The following ABAT variants were observed in gnomAD, a reference collection of about 807,000 sequenced individuals.
ABAT encodes 4-aminobutyrate aminotransferase, mitochondrial.
A neutral mutation model predicts 64.6 loss-of-function variants in ABAT; 45 were observed. The observed-to-expected ratio is 0.70, with a 90% CI of 0.55 to 0.89. The LOEUF (loss-of-function observed/expected upper bound fraction) is 0.89. Ranked by LOEUF, ABAT falls within the 40% of genes least tolerant of loss-of-function variation. The pLI, the probability that ABAT is intolerant of heterozygous loss-of-function variation, is 0.00. For missense variants in ABAT, 633 were observed against 658.4 expected (o/e 0.96, Z 0.42); for synonymous variants, 297 against 250.5 (o/e 1.19, Z -1.75).
intron 2 of ABAT, among the ~76,000 whole-genome samples, chr16:8,739,180 C>G (rs1439736034): frequency 6.6e-6 from 1 of 152,174 alleles, no homozygotes; most frequent in Non-Finnish European, 1.5e-5. Flanking sequence ...TTGTGGAGCT[C>G]TAGCCTGGTG....
Position 8,710,546 on chromosome 16 carries a change from A to G in ABAT, c.-41-25153A>G, listed in dbSNP as rs1764657865. On this transcript the variant is annotated intron_variant, in intron 1 of 15. Coordinates refer to ENST00000268251, the MANE Select transcript of ABAT (RefSeq NM_020686.6). ...GAGCCCAGGAGTTCATAACCAACCTAGGCAACACAGCAAGTCCCCGTCTCT... is the reference window on the plus strand; with the variant it reads ...GAGCCCAGGAGTTCATAACCAACCTGGGCAACACAGCAAGTCCCCGTCTCT... 2.6e-5 allele frequency among the ~76,000 whole-genome samples: 4 copies of G among 152,034 alleles called. No homozygotes were observed. In the South Asian group the frequency reaches 8.3e-4, roughly 32 times the overall value.
intron 1 of ABAT, among the ~76,000 whole-genome samples, chr16:8,682,251 G>C (rs986059070): frequency 1.3e-5 from 2 of 151,034 alleles, no homozygotes; most frequent in Non-Finnish European, 2.9e-5. Context: ...GGATGTATTT[G>C]TTGGATGTTG....
At chr16:8,772,250 CTCTGTGTG>C (rs1479562466) in intron 11 of ABAT, among the ~76,000 whole-genome samples, 10 of 97,916 alleles carry the variant, frequency 1.0e-4, no homozygotes, top group African/African-American at 2.8e-4. Flanking sequence ...TTCTCTCTGT[CTCTGTGTG>C]TGTGTGTGTG....
intron 1 of ABAT, among the ~76,000 whole-genome samples, chr16:8,686,676 G>A (rs957558033): frequency 2.0e-5 from 3 of 152,164 alleles, no homozygotes; most frequent in African/African-American, 4.8e-5. Flanking sequence ...GTGAGAAACC[G>A]AGGCTTGAAG....
rs148002569 is a variant in ABAT at position 8,744,160 on chromosome 16, A to G, written c.71-1841A>G. Among the ~76,000 whole-genome samples, 1,033 of 152,096 alleles carry G rather than the reference A, an allele frequency of 6.8e-3. 11 individuals carry two copies. Among genetic ancestry groups the G allele is most frequent in the African/African-American group, 0.023 (973 of 41,516 alleles). On this transcript the variant is annotated intron_variant, in intron 2 of 15. Transcript: ENST00000268251. ...ATTAGTCTGTTCCCGCAATGCTACAAAAAAAAATACCTGGGATTGGGTAAT... is the reference window on the plus strand; with the variant it reads ...ATTAGTCTGTTCCCGCAATGCTACAGAAAAAAATACCTGGGATTGGGTAAT...
intron 1 of ABAT, among the ~76,000 whole-genome samples, chr16:8,691,411 G>A (rs1217589019): frequency 2.0e-5 from 3 of 151,872 alleles, no homozygotes; most frequent in Admixed American, 6.6e-5. Flanking sequence ...TGGAGAGCAG[G>A]GTTCTCTGCT....
chr16:8,691,222 C>T (rs528814171), intron 1 of ABAT, among the ~76,000 whole-genome samples: 62 of 152,196 alleles, frequency 4.1e-4, no homozygotes, highest in Admixed American at 1.6e-3. Context: ...TCTGGGAACC[C>T]CACAATAACC....
At position 8,757,805 on chromosome 16, in the gene ABAT, C is replaced by T. The variant is rs761782312; in HGVS notation, c.365C>T (p.Ala122Val). ...AAACTCATCCAACAGCCTCAAAATG[C>T]GGTAGGTCTTGGGGTTACACAGAAG... ...LLKLIQQPQNASMFVNRPALG... is the reference protein window; with the variant it reads ...LLKLIQQPQNVSMFVNRPALG... The change falls in exon 6 of 16, where the codon GCG becomes GTG. Residue 122 changes from alanine to valine, a missense_variant and splice_region_variant. By Grantham distance (64) the Ala-to-Val change is moderately conservative (BLOSUM62 0). Transcript: ENST00000268251. 9.3e-6 allele frequency: 15 copies of T among 1,613,804 alleles called. No individual in the cohort carries two copies. Among genetic ancestry groups the T allele is most frequent in the South Asian group, 2.2e-5 (2 of 91,072 alleles).
intron 1 of ABAT, chr16:8,722,737 C>A: frequency 8.9e-7 from 1 of 1,123,272 alleles, no homozygotes; most frequent in African/African-American, 1.6e-5. Context: ...CCCTTCTAAC[C>A]AGGAATCCTT....
intron 4 of ABAT, among the ~76,000 whole-genome samples, chr16:8,749,021 T>C (rs1375299978): frequency 6.6e-6 from 1 of 152,164 alleles, no homozygotes; most frequent in Non-Finnish European, 1.5e-5. Context: ...ATTATTCATA[T>C]GGTTGTGTTT....
At chr16:8,678,407 A>G (rs2057254608) in intron 1 of ABAT, among the ~76,000 whole-genome samples, 2 of 152,220 alleles carry the variant, frequency 1.3e-5, no homozygotes, top group Non-Finnish European at 2.9e-5. Context: ...GGACCTTATC[A>G]TCTCCAAAGC....
intron 11 of ABAT, among the ~76,000 whole-genome samples, chr16:8,771,834 T>C (rs9929124): frequency 0.097 from 14,803 of 151,942 alleles, 1,205 homozygotes; most frequent in African/African-American, 0.22. Flanking sequence ...GGTGTGGTCA[T>C]AGCTCACTGC....
At chr16:8,746,179 G>A in intron 3 of ABAT, 81 bp downstream of exon 3, 1 of 1,005,408 alleles carries the variant, frequency 9.9e-7, no homozygotes, top group South Asian at 1.3e-5. Context: ...CAAGCTTAGG[G>A]ACCTGTATTG....
chr16:8,755,883 A>G (rs2059635375), intron 5 of ABAT, among the ~76,000 whole-genome samples: 1 of 152,186 alleles, frequency 6.6e-6, no homozygotes. Context: ...CCCCGTCTCT[A>G]CTAAAAATAC....
intron 1 of ABAT, among the ~76,000 whole-genome samples, chr16:8,698,910 C>A (rs949216556): frequency 6.6e-6 from 1 of 152,200 alleles, no homozygotes; most frequent in Non-Finnish European, 1.5e-5. Flanking sequence ...TGCGCCACTG[C>A]ACTCCAGCCT....
At chr16:8,761,053 G>A (rs896085595) in intron 6 of ABAT, among the ~76,000 whole-genome samples, 26 of 150,938 alleles carry the variant, frequency 1.7e-4, no homozygotes, top group Non-Finnish European at 2.9e-5. Context: ...TCCAGCCTGG[G>A]TGACAGAGCG....
At chr16:8,739,265 C>T (rs1020046559) in intron 2 of ABAT, among the ~76,000 whole-genome samples, 1 of 152,216 alleles carries the variant, frequency 6.6e-6, no homozygotes, top group African/African-American at 2.4e-5. Flanking sequence ...ATGGGAAGAG[C>T]ACTAGGTCAA....
chr16:8,781,741 C>T lies in ABAT; in HGVS notation c.*311C>T, dbSNP rs2060444537. On this transcript the variant is annotated 3_prime_UTR_variant, in exon 16 of 16. Transcript: ENST00000268251. The surrounding 1 kb of genome is among the most constrained non-coding windows in gnomAD (Gnocchi z 4.5). Reference sequence around the variant, plus strand: ...AGTTCTGCCCAACCTTGACCAACCCCAGCAATTTTTCCAAAAGCCAGTCAA... The same window carrying T: ...AGTTCTGCCCAACCTTGACCAACCCTAGCAATTTTTCCAAAAGCCAGTCAA... 4.4e-6 allele frequency: 2 copies of T among 454,358 alleles called. No homozygotes were observed. Among genetic ancestry groups the T allele is most frequent in the Admixed American group, 3.4e-5 (1 of 29,174 alleles). 28.1% of individuals were successfully genotyped at this position (454,358 alleles called of 1,614,324 possible).
intron 1 of ABAT, chr16:8,713,102 G>C (rs144709089): frequency 6.6e-6 from 1 of 152,382 alleles, no homozygotes; most frequent in Non-Finnish European, 1.5e-5. Flanking sequence ...GTCAGGTGGA[G>C]CGTGGGCGCC....
Sources: allele counts gnomAD v4.1 joint callset (sites outside exome capture counted in the v4.1 genomes callset), GRCh38; gene constraint gnomAD v4.1.1; non-coding constraint Gnocchi (gnomAD v3.1); transcripts MANE v1.5; gene names NCBI Gene and HGNC (gene_info 2026-07-23, HGNC 2026-07-21).